EHMT1: variants seen among roughly 807,000 people sequenced by gnomAD.
EHMT1 encodes the protein histone-lysine N-methyltransferase EHMT1.
In EHMT1, 15 loss-of-function variants were observed where a neutral mutation model predicts 147.2. That is an observed-to-expected ratio of 0.10 (90% CI 0.07 to 0.16). EHMT1 has a LOEUF of 0.16. Among genes scored for constraint, EHMT1 ranks in the 10% least tolerant of loss-of-function variants. The pLI is 1.00. For missense variants in EHMT1, 1,587 were observed against 1,772.4 expected (o/e 0.90, Z 1.88); for synonymous variants, 795 against 709.6 (o/e 1.12, Z -1.91).
intron 1 of EHMT1, among the ~76,000 whole-genome samples, chr9:137,692,573 G>T (rs927783383): frequency 1.3e-5 from 2 of 152,104 alleles, no homozygotes; most frequent in African/African-American, 2.4e-5. Flanking sequence ...GCCTCAGATG[G>T]TGTTTTTCCA....
Position 137,835,821 on chromosome 9 carries a change from A to G in EHMT1, c.*868A>G, listed in dbSNP as rs1374210242. On this transcript the variant is annotated 3_prime_UTR_variant, in exon 27 of 27. Coordinates refer to ENST00000460843, the MANE Select transcript of EHMT1 (RefSeq NM_024757.5). ...TATAAAGAGAACAAAGTGATTTTAG[A>G]ATAAAATGCAGGAAAAACTTTTTTA... The G allele has an allele frequency of 6.6e-6, 1 of 152,624 alleles. No homozygotes were observed. Among genetic ancestry groups the G allele is most frequent in the Non-Finnish European group, 1.5e-5 (1 of 68,052 alleles). 9.5% of individuals were successfully genotyped at this position (152,624 alleles called of 1,614,324 possible). A position where few individuals can be genotyped will look rare whatever the true frequency, so the allele number is the denominator to read the frequency against.
intron 2 of EHMT1, among the ~76,000 whole-genome samples, chr9:137,716,227 ATGGTGGGG>A (rs1945236200): frequency 5.7e-4 from 1 of 1,762 alleles, no homozygotes; most frequent in Non-Finnish European, 1.2e-3. Context: ...TGTTGGTGTC[ATGGTGGGG>A]GAGGAAGTTG....
intron 1 of EHMT1, among the ~76,000 whole-genome samples, chr9:137,660,881 C>T (rs1271920438): frequency 6.6e-6 from 1 of 152,176 alleles, no homozygotes; most frequent in Non-Finnish European, 1.5e-5. Context: ...AACCACACAG[C>T]TGACTACTGA....
chr9:137,650,983 C>G (rs1044657723), intron 1 of EHMT1: 1 of 152,204 alleles, frequency 6.6e-6, no homozygotes, highest in Non-Finnish European at 1.5e-5. Flanking sequence ...GGATCACGAG[C>G]CTGGGAGTTC....
chr9:137,782,374 G>C lies in EHMT1; in HGVS notation c.2359G>C (p.Asp787His). ...CGCCGCGGCAGAGGCTGGACACGTGGACATCTGCCACATGCTGGTTCAGGT... is the reference window on the plus strand; with the variant it reads ...CGCCGCGGCAGAGGCTGGACACGTGCACATCTGCCACATGCTGGTTCAGGT... Reference protein sequence around the residue: ...LHAAAEAGHVDICHMLVQAGA... With the variant: ...LHAAAEAGHVHICHMLVQAGA... The change falls in exon 15 of 27, where the codon GAC (aspartate) becomes CAC (histidine). Residue 787 changes from aspartate (D) to histidine (H), a missense_variant. Asp to His is a moderately conservative substitution (Grantham distance 81, BLOSUM62 -1). Coordinates refer to ENST00000460843, the MANE Select transcript of EHMT1 (RefSeq NM_024757.5). The surrounding 1 kb of genome is among the most constrained non-coding windows in gnomAD (Gnocchi z 5.7). 1 of 1,611,482 alleles carries C rather than the reference G, an allele frequency of 6.2e-7. No homozygotes were observed. The highest frequency in any genetic ancestry group is 8.5e-7 in the Non-Finnish European group (1 of 1,179,736).
At chr9:137,622,491 A>G (rs2133438849) in intron 1 of EHMT1, among the ~76,000 whole-genome samples, 1 of 152,258 alleles carries the variant, frequency 6.6e-6, no homozygotes, top group East Asian at 1.9e-4. Flanking sequence ...ATGTTTCTAA[A>G]TATATGTTTG....
intron 1 of EHMT1, among the ~76,000 whole-genome samples, chr9:137,644,346 A>C (rs1844729782): frequency 1.4e-5 from 2 of 147,600 alleles, no homozygotes; most frequent in South Asian, 2.1e-4. Flanking sequence ...TTTTTTTGAG[A>C]TGGAGTCTCA....
At chr9:137,682,024 C>T (rs138388371) in intron 1 of EHMT1, among the ~76,000 whole-genome samples, 3,032 of 152,138 alleles carry the variant, frequency 0.02, 78 homozygotes, top group Non-Finnish European at 0.021. Context: ...CATCTCGGCT[C>T]ACTGCAAGCT....
intron 4 of EHMT1, 25 bp from the exon 5 acceptor site, chr9:137,743,345 CT>C (rs1455263574): frequency 7.7e-6 from 12 of 1,557,646 alleles, no homozygotes; most frequent in Non-Finnish European, 1.0e-5. Flanking sequence ...TTCTTGTCCC[CT>C]TTTGACTTTT....
intron 25 of EHMT1, among the ~76,000 whole-genome samples, chr9:137,832,143 C>G (rs76916691): frequency 6.6e-6 from 1 of 151,420 alleles, no homozygotes; most frequent in Non-Finnish European, 1.5e-5. Flanking sequence ...CCCCCAACCC[C>G]ACGTGGCCCC....
At chr9:137,674,260 C>G (rs968524995) in intron 1 of EHMT1, among the ~76,000 whole-genome samples, 3 of 152,220 alleles carry the variant, frequency 2.0e-5, no homozygotes, top group African/African-American at 7.2e-5. Flanking sequence ...CTCCTGAAGG[C>G]CAACCTCTCC....
At chr9:137,762,624 T>C in intron 9 of EHMT1, 51 bp from the exon 10 acceptor site, 1 of 1,613,490 alleles carries the variant, frequency 6.2e-7, no homozygotes, top group Non-Finnish European at 8.5e-7. Flanking sequence ...TTTCTAGATG[T>C]TCTTTTGAGG....
intron 9 of EHMT1, among the ~76,000 whole-genome samples, chr9:137,760,162 G>A (rs897976339): frequency 1.3e-5 from 2 of 152,190 alleles, no homozygotes; most frequent in African/African-American, 4.8e-5. Context: ...CTTGGCGGAG[G>A]TTGATTGCTT....
chr9:137,761,842 C>T (rs921755443), intron 9 of EHMT1, among the ~76,000 whole-genome samples: 2 of 152,202 alleles, frequency 1.3e-5, no homozygotes, highest in Non-Finnish European at 2.9e-5. Flanking sequence ...GACTGTTTAA[C>T]AAAAAAGAAA....
At chr9:137,697,526 G>A (rs2135073374) in intron 1 of EHMT1, among the ~76,000 whole-genome samples, 1 of 152,266 alleles carries the variant, frequency 6.6e-6, no homozygotes. Context: ...TAAATTTCTG[G>A]TAACTTTAAA....
intron 1 of EHMT1, among the ~76,000 whole-genome samples, chr9:137,663,859 C>A (rs1460788533): frequency 6.6e-6 from 1 of 152,196 alleles, no homozygotes; most frequent in Non-Finnish European, 1.5e-5. Flanking sequence ...TCCCTGTGAT[C>A]TGGGGAACTT....
Position 137,787,661 on chromosome 9 carries a change from A to C in EHMT1, c.2383-3187A>C. 1 of 618,440 alleles carries C rather than the reference A, an allele frequency of 1.6e-6. No homozygotes were observed. The highest frequency in any genetic ancestry group is 2.9e-6 in the Non-Finnish European group (1 of 350,220). 38.3% of individuals were successfully genotyped at this position (618,440 alleles called of 1,614,324 possible). On this transcript the variant is annotated intron_variant, in intron 15 of 26. Transcript: ENST00000460843. The surrounding 1 kb of genome is among the most constrained non-coding windows in gnomAD (Gnocchi z 4.2). ...GGAGGGAGGAGGGGCCTGTCTTAAG[A>C]GCCTCACAGGCTGCACCGGGAGAGC...
chr9:137,752,049 G>T (rs373659205), intron 6 of EHMT1, among the ~76,000 whole-genome samples: 1 of 152,224 alleles, frequency 6.6e-6, no homozygotes, highest in Non-Finnish European at 1.5e-5. Context: ...GCCTCAGTCC[G>T]CACCAGGGCA....
intron 25 of EHMT1, among the ~76,000 whole-genome samples, chr9:137,824,138 T>G (rs1955648904): frequency 6.6e-6 from 1 of 152,174 alleles, no homozygotes; most frequent in Non-Finnish European, 1.5e-5. Context: ...CCAGACACAC[T>G]GGCACGCTCC....
Sources: allele counts gnomAD v4.1 joint callset (sites outside exome capture counted in the v4.1 genomes callset), GRCh38; gene constraint gnomAD v4.1.1; non-coding constraint Gnocchi (gnomAD v3.1); transcripts MANE v1.5; gene names NCBI Gene and HGNC (gene_info 2026-07-23, HGNC 2026-07-21).